Variants in CAGE1 observed in about 807,000 individuals in gnomAD.
CAGE1 encodes cancer-associated gene 1 protein.
A neutral mutation model predicts 94.9 loss-of-function variants in CAGE1; 66 were observed. The ratio of observed to expected loss-of-function variants is 0.70; its 90% CI spans 0.57 to 0.85. The LOEUF is 0.85. Ranked by LOEUF, CAGE1 falls within the 40% of genes least tolerant of loss-of-function variation. CAGE1 has a pLI of 0.00. For synonymous variants in CAGE1, 319 were observed against 321.0 expected (o/e 0.99, Z 0.07); for missense variants, 865 against 950.4 (o/e 0.91, Z 1.18).
chr6:7,371,257 T>G (rs1451575110), intron 5 of CAGE1, among the ~76,000 whole-genome samples: 1 of 152,156 alleles, frequency 6.6e-6, no homozygotes, highest in Non-Finnish European at 1.5e-5. Context: ...TAACAAGCGT[T>G]TTAGGGAATT....
intron 11 of CAGE1, chr6:7,338,809 C>G (rs1213567201): frequency 3.3e-6 from 3 of 908,574 alleles, no homozygotes; most frequent in African/African-American, 3.2e-5. Flanking sequence ...AACATCCAGA[C>G]TCCAGAATAC....
intron 11 of CAGE1, chr6:7,341,863 T>G (rs1460242336): frequency 1.3e-5 from 9 of 682,102 alleles, no homozygotes; most frequent in Non-Finnish European, 2.5e-5. Flanking sequence ...CTGGGCCACT[T>G]CTTCTTGCAG....
chr6:7,333,992 T>G, intron 12 of CAGE1, 30 bp downstream of exon 12: 1 of 1,372,728 alleles, frequency 7.3e-7, no homozygotes, highest in Non-Finnish European at 1.0e-6. Context: ...TTAAAGACAT[T>G]ATTAATTTTA....
At chr6:7,346,027 A>G (rs1161758534) in intron 11 of CAGE1, among the ~76,000 whole-genome samples, 1 of 152,190 alleles carries the variant, frequency 6.6e-6, no homozygotes, top group African/African-American at 2.4e-5. Flanking sequence ...CCAATTTAAA[A>G]GAATATTGTT....
chr6:7,379,450 T>C (rs1015192435), intron 3 of CAGE1, among the ~76,000 whole-genome samples: 6 of 152,218 alleles, frequency 3.9e-5, no homozygotes, highest in African/African-American at 1.4e-4. Context: ...ATTTTACAGA[T>C]AAGGAAACTG....
At chr6:7,356,444 T>A (rs1451977716) in intron 9 of CAGE1, among the ~76,000 whole-genome samples, 1 of 152,236 alleles carries the variant, frequency 6.6e-6, no homozygotes, top group African/African-American at 2.4e-5. Flanking sequence ...TTTCCATATA[T>A]AGCCAATGGG....
chr6:7,371,520 C>A (rs1371207505), intron 5 of CAGE1, among the ~76,000 whole-genome samples: 1 of 152,080 alleles, frequency 6.6e-6, no homozygotes, highest in African/African-American at 2.4e-5. Flanking sequence ...CGGTGGCTCA[C>A]GCTTGTAATC....
At chr6:7,344,962 C>G (rs1236041967) in intron 11 of CAGE1, among the ~76,000 whole-genome samples, 1 of 152,154 alleles carries the variant, frequency 6.6e-6, no homozygotes, top group African/African-American at 2.4e-5. Flanking sequence ...AGCGCCCTGT[C>G]AAAACAGGCC....
intron 13 of CAGE1, among the ~76,000 whole-genome samples, chr6:7,329,478 G>C (rs1215635508): frequency 1.3e-5 from 2 of 152,144 alleles, no homozygotes; most frequent in African/African-American, 2.4e-5. Flanking sequence ...ATGCAACGGA[G>C]GGGCATGAAA....
chr6:7,345,320 G>GT lies in CAGE1; in HGVS notation c.2369+9720_2369+9721insA, dbSNP rs530386745. 2.3e-4 allele frequency among the ~76,000 whole-genome samples: 35 copies of GT among 152,006 alleles called. No individual in the cohort carries two copies. In the East Asian group the frequency reaches 6.2e-3, roughly 27 times the overall value. On this transcript the variant is annotated intron_variant, in intron 11 of 13. Transcript: ENST00000502583. ...TTTGCAGTTTTATTTCTGAACCAGC[G>GT]AGACCACTAAACCCAGCAGGATGAA...
At chr6:7,353,488 G>A (rs954914898) in intron 11 of CAGE1, among the ~76,000 whole-genome samples, 2 of 152,136 alleles carry the variant, frequency 1.3e-5, no homozygotes, top group African/African-American at 2.4e-5. Context: ...ACAGTGTGGA[G>A]ATTCCTTAAA....
At chr6:7,358,114 G>A (rs565159162) in intron 9 of CAGE1, among the ~76,000 whole-genome samples, 63 of 137,282 alleles carry the variant, frequency 4.6e-4, no homozygotes, top group Non-Finnish European at 4.8e-4. Flanking sequence ...GAGTCTGCCC[G>A]TCAACCTCCA....
Position 7,326,846 on chromosome 6 carries a change from C to T in CAGE1, c.*12G>A, listed in dbSNP as rs1386837730. 3 of 1,554,504 alleles carry T rather than the reference C, an allele frequency of 1.9e-6. No homozygotes were observed. Among genetic ancestry groups the T allele is most frequent in the African/African-American group, 2.7e-5 (2 of 73,682 alleles). ...TTGACAAAAATGATTACTGTTTAAT[C>T]TTCAGGCTTGTTTAATCTAAATCAT... On this transcript the variant is annotated 3_prime_UTR_variant, in exon 14 of 14. Coordinates refer to ENST00000502583, the MANE Select transcript of CAGE1 (RefSeq NM_001170692.2).
At chr6:7,353,152 G>A (rs2477481) in intron 11 of CAGE1, among the ~76,000 whole-genome samples, 2,092 of 152,164 alleles carry the variant, frequency 0.014, 67 homozygotes, top group African/African-American at 0.047. Context: ...ATCTGACAAA[G>A]GACAAATATC....
chr6:7,384,858 G>A (rs1387266462), intron 3 of CAGE1, among the ~76,000 whole-genome samples: 3 of 151,922 alleles, frequency 2.0e-5, no homozygotes, highest in Admixed American at 6.6e-5. Context: ...CACGATGCCT[G>A]GCTAATTTTT....
At chr6:7,375,580 A>T (rs1326167318) in intron 4 of CAGE1, among the ~76,000 whole-genome samples, 2 of 152,120 alleles carry the variant, frequency 1.3e-5, no homozygotes, top group East Asian at 1.9e-4. Context: ...CTTCAAAAAA[A>T]ATATTTTAAA....
chr6:7,367,278 A>ATTTTTTTTTTTTTTTTTTTTT (rs70978961), intron 7 of CAGE1, among the ~76,000 whole-genome samples: 10 of 111,206 alleles, frequency 9.0e-5, no homozygotes, highest in African/African-American at 3.0e-4. Context: ...TATTTGGGGG[A>ATTTTTTTTTTTTTTTTTTTTT]TTTTTTTTTT....
chr6:7,374,994 A>G (rs1760684142), intron 4 of CAGE1, among the ~76,000 whole-genome samples: 1 of 152,188 alleles, frequency 6.6e-6, no homozygotes, highest in Non-Finnish European at 1.5e-5. Context: ...AGATCACACT[A>G]CTGCACTCCA....
chr6:7,357,870 T>C (rs909428939), intron 9 of CAGE1, among the ~76,000 whole-genome samples: 12 of 151,330 alleles, frequency 7.9e-5, no homozygotes, highest in Non-Finnish European at 1.2e-4. Context: ...CTCTGCTCAC[T>C]GCAACCTCTG....
Sources: allele counts gnomAD v4.1 joint callset (sites outside exome capture counted in the v4.1 genomes callset), GRCh38; gene constraint gnomAD v4.1.1; transcripts MANE v1.5; gene names NCBI Gene and HGNC (gene_info 2026-07-23, HGNC 2026-07-21).